The following ITPRID1 variants were observed in gnomAD, a reference collection of about 807,000 sequenced individuals.
ITPRID1 encodes protein ITPRID1.
ITPRID1 carries 96 observed loss-of-function variants against 95.4 expected under a neutral mutation model. That is an observed-to-expected ratio of 1.01 (90% CI 0.85 to 1.19). The LOEUF (loss-of-function observed/expected upper bound fraction) is 1.19. Among genes scored for constraint, ITPRID1 ranks in the 50% most tolerant of loss-of-function variants. The pLI is 0.00. For missense variants in ITPRID1, 1,339 were observed against 1,252.9 expected (o/e 1.07, Z -1.04); for synonymous variants, 510 against 453.6 (o/e 1.12, Z -1.58).
chr7:31,632,859 T>G (rs555485624), intron 10 of ITPRID1, among the ~76,000 whole-genome samples: 8 of 151,986 alleles, frequency 5.3e-5, no homozygotes, highest in African/African-American at 1.2e-4. Context: ...TCTGGGGAGA[T>G]TTTTATTTTT....
intron 9 of ITPRID1, among the ~76,000 whole-genome samples, chr7:31,579,688 G>T (rs1222781886): frequency 1.3e-5 from 2 of 152,140 alleles, no homozygotes; most frequent in Admixed American, 6.6e-5. Flanking sequence ...ATGCCTATTG[G>T]CATAGCTGCA....
At chr7:31,596,547 T>C (rs2128157329) in intron 10 of ITPRID1, among the ~76,000 whole-genome samples, 1 of 151,812 alleles carries the variant, frequency 6.6e-6, no homozygotes, top group Admixed American at 6.5e-5. Context: ...AAAAATGTTT[T>C]AACAATTGAA....
rs80254774 is a variant in ITPRID1, at chr7:31,592,780, C to T, written c.1228+9589C>T. On this transcript the variant is annotated intron_variant, in intron 10 of 14. Coordinates refer to ENST00000615280, the MANE Select transcript of ITPRID1 (RefSeq NM_001257967.3). ...TGCCTAATAGGCCATGGACTGAAGC[C>T]GGGGGTTGGGGAACACTGCTCTATA... is the stretch of plus-strand genomic sequence containing the variant. Among the ~76,000 whole-genome samples, 67 of 152,126 alleles carry T rather than the reference C, an allele frequency of 4.4e-4. 2 individuals are homozygous for T. The East Asian group carries it at 6.6e-3, about 15-fold the overall frequency.
At chr7:31,544,460 G>T (rs182995092) in intron 1 of ITPRID1, among the ~76,000 whole-genome samples, 1 of 152,112 alleles carries the variant, frequency 6.6e-6, no homozygotes, top group Admixed American at 6.6e-5. Flanking sequence ...AGGTTCACAT[G>T]TATTTCAGTC....
intron 10 of ITPRID1, among the ~76,000 whole-genome samples, chr7:31,598,645 C>A (rs952278110): frequency 6.6e-6 from 1 of 151,940 alleles, no homozygotes; most frequent in African/African-American, 2.4e-5. Flanking sequence ...CCTCGTGATC[C>A]GCCCGCCTTG....
In ITPRID1 at chr7:31,652,027, C is replaced by T; in HGVS notation, c.2800C>T (p.Gln934Ter). 1.2e-6 allele frequency: 2 copies of T among 1,601,408 alleles called. No individual in the cohort carries two copies. The highest frequency in any genetic ancestry group is 1.7e-6 in the Non-Finnish European group (2 of 1,174,052). The change falls in exon 14 of 15, where the codon CAA becomes TAA. Residue 934 changes from glutamine to a stop codon, truncating the protein, a stop_gained. Coordinates refer to ENST00000615280, the MANE Select transcript of ITPRID1 (RefSeq NM_001257967.3). LOFTEE classifies it low-confidence loss of function (END_TRUNC). Reference sequence around the variant, plus strand: ...ATTTCAGTTAGGAGACCGGGCTCAGCAAATCAGAGAAGGGATTTTACTGGT... The same window carrying T: ...ATTTCAGTTAGGAGACCGGGCTCAGTAAATCAGAGAAGGGATTTTACTGGT... Reference protein sequence around the residue: ...LEFQLGDRAQQIREGILLQLE... With the variant: ...LEFQLGDRAQ
chr7:31,606,458 CGAGA>C (rs3078452), intron 10 of ITPRID1, among the ~76,000 whole-genome samples: 1 of 151,036 alleles, frequency 6.6e-6, no homozygotes. Context: ...GAAAAGAAAA[CGAGA>C]GAGAGAGAGA....
chr7:31,550,414 C>T (rs189523429), intron 2 of ITPRID1, among the ~76,000 whole-genome samples: 48 of 152,186 alleles, frequency 3.2e-4, no homozygotes, highest in South Asian at 1.7e-3. Context: ...GAACTAGGTT[C>T]GAAATGGTCC....
intron 5 of ITPRID1, among the ~76,000 whole-genome samples, chr7:31,566,506 G>C (rs962175474): frequency 2.0e-5 from 3 of 152,200 alleles, no homozygotes; most frequent in Non-Finnish European, 4.4e-5. Flanking sequence ...TCATCTCGAA[G>C]AGCTAAACCA....
At chr7:31,577,307 A>G (rs1785219914) in intron 8 of ITPRID1, among the ~76,000 whole-genome samples, 1 of 152,212 alleles carries the variant, frequency 6.6e-6, no homozygotes, top group South Asian at 2.1e-4. Context: ...TGGCTCTAGC[A>G]CTGTGTAGCT....
chr7:31,553,251 T>C, intron 3 of ITPRID1, 64 bp downstream of exon 3: 1 of 1,455,094 alleles, frequency 6.9e-7, no homozygotes, highest in Admixed American at 2.4e-5. Context: ...ATGTGGGAGC[T>C]TTTGGCCAGG....
chr7:31,598,695 G>A (rs60643380), intron 10 of ITPRID1, among the ~76,000 whole-genome samples: 143 of 152,106 alleles, frequency 9.4e-4, no homozygotes, highest in African/African-American at 3.1e-3. Context: ...GAGCCACCGC[G>A]CTCGGTCTAA....
At chr7:31,657,594 T>C (rs1403862784), downstream of ITPRID1, among the ~76,000 whole-genome samples, 1 of 152,194 alleles carries the variant, frequency 6.6e-6, no homozygotes, top group African/African-American at 2.4e-5. Context: ...CTGCCAAGAA[T>C]AATGGCAAGA....
chr7:31,514,212 C>T (rs1028084395), intron 1 of ITPRID1, 92 bp downstream of exon 1: 1 of 152,056 alleles, frequency 6.6e-6, no homozygotes, highest in African/African-American at 2.4e-5. Context: ...GAAGGTAAGA[C>T]TGTTTATCAA....
At position 31,599,669 on chromosome 7, in the gene ITPRID1, TC is replaced by T. The variant is rs1385676181; in HGVS notation, c.1228+16479del. ...TCTTTTTCTTTCTTTCCTTTCTCTC[TC>T]TCTCTCTCTCTCTCTCTCTCTCTTT... On this transcript the variant is annotated intron_variant, in intron 10 of 14. Transcript: ENST00000615280. 9.5e-5 allele frequency among the ~76,000 whole-genome samples: 13 copies of T among 136,238 alleles called. 1 individual carries two copies. Among genetic ancestry groups the T allele is most frequent in the Admixed American group, 3.7e-4 (5 of 13,650 alleles). 89.4% of individuals were successfully genotyped at this position (136,238 alleles called of 152,430 possible).
chr7:31,563,430 G>C (rs562976436), intron 5 of ITPRID1, among the ~76,000 whole-genome samples: 1 of 152,214 alleles, frequency 6.6e-6, no homozygotes, highest in South Asian at 2.1e-4. Flanking sequence ...GATGACACTG[G>C]AGTGTCATCT....
At chr7:31,550,233 T>A (rs1784239446) in intron 2 of ITPRID1, among the ~76,000 whole-genome samples, 1 of 150,634 alleles carries the variant, frequency 6.6e-6, no homozygotes, top group Non-Finnish European at 1.5e-5. Context: ...CGTGATACTA[T>A]ATGCAATTTC....
intron 5 of ITPRID1, among the ~76,000 whole-genome samples, chr7:31,556,906 C>T (rs753966436): frequency 6.6e-6 from 1 of 151,942 alleles, no homozygotes; most frequent in Non-Finnish European, 1.5e-5. Flanking sequence ...CAAGGTGTCA[C>T]CAAGACTGAT....
intron 12 of ITPRID1, among the ~76,000 whole-genome samples, chr7:31,644,941 T>G (rs1790335421): frequency 6.6e-6 from 1 of 152,202 alleles, no homozygotes; most frequent in Non-Finnish European, 1.5e-5. Flanking sequence ...TCCACAAATA[T>G]TTAGTGAGTG....
Sources: gnomAD v4.1 joint callset for allele counts (sites outside exome capture counted in the v4.1 genomes callset) on GRCh38, gnomAD v4.1.1 for gene constraint, MANE v1.5 for transcripts, NCBI Gene and HGNC (gene_info 2026-07-23, HGNC 2026-07-21) for gene names.